Variants in TRAM2 observed in about 807,000 individuals in gnomAD.
TRAM2 encodes translocation associated membrane protein 2.
Under a neutral mutation model 51.0 loss-of-function variants are expected in TRAM2, and 12 were observed. The ratio of observed to expected loss-of-function variants is 0.24; its 90% CI spans 0.15 to 0.38. The LOEUF (loss-of-function observed/expected upper bound fraction) is 0.38, where lower values mean the gene tolerates loss of function less well. Among genes scored for constraint, TRAM2 ranks in the 10% least tolerant of loss-of-function variants. The pLI is 1.00. For missense variants in TRAM2, 361 were observed against 462.0 expected, an observed-to-expected ratio of 0.78 and a Z score of 2.00; for synonymous variants, 175 against 179.4, an observed-to-expected ratio of 0.98 and a Z score of 0.20.
At chr6:52,531,284 C>A (rs1236815511) in intron 2 of TRAM2, among the ~76,000 whole-genome samples, 2 of 152,092 alleles carry the variant, frequency 1.3e-5, no homozygotes, top group East Asian at 1.9e-4. Flanking sequence ...CAAACATTAC[C>A]ATATTGGGTT....
intron 8 of TRAM2, 47 bp downstream of exon 8, chr6:52,505,985 C>A: frequency 6.2e-7 from 1 of 1,600,266 alleles, no homozygotes; most frequent in East Asian, 2.2e-5. Context: ...TCGGGGGAAC[C>A]CCTGCCCAGG....
rs769900215 is a variant in TRAM2 at position 52,507,282 on chromosome 6, C to T, written c.626+271G>A. On this transcript the variant is annotated intron_variant, in intron 7 of 10. Coordinates refer to ENST00000182527, the MANE Select transcript of TRAM2 (RefSeq NM_012288.4). ...CCTGGCTGTCTCTGTTGAGGGTCTTCTTCTGGGTTGCAGAGCAGATGATAC... is the reference window on the plus strand; with the variant it reads ...CCTGGCTGTCTCTGTTGAGGGTCTTTTTCTGGGTTGCAGAGCAGATGATAC... Among the ~76,000 whole-genome samples, 87 of 152,232 alleles carry T rather than the reference C, an allele frequency of 5.7e-4. 1 individual carries two copies. Among genetic ancestry groups the T allele is most frequent in the Non-Finnish European group, 7.8e-4 (53 of 68,034 alleles).
At chr6:52,567,810 C>A (rs1185037843) in intron 1 of TRAM2, among the ~76,000 whole-genome samples, 1 of 152,170 alleles carries the variant, frequency 6.6e-6, no homozygotes, top group Non-Finnish European at 1.5e-5. Flanking sequence ...TCATGCCAAC[C>A]CCAAATTTGT....
At position 52,499,856 on chromosome 6, in the gene TRAM2, A is replaced by G. The variant is rs1447915038; in HGVS notation, c.*3341T>C. ...CACACATGGGATTAGAACTGACTCA[A>G]AAGGGAGGACAGCAGATCCCCCGCC... On this transcript the variant is annotated 3_prime_UTR_variant, in exon 11 of 11. Coordinates refer to ENST00000182527, the MANE Select transcript of TRAM2 (RefSeq NM_012288.4). 3 of 152,386 alleles carry G rather than the reference A, an allele frequency of 2.0e-5. No homozygotes were observed. The highest frequency in any genetic ancestry group is 7.2e-5 in the African/African-American group (3 of 41,570). 9.4% of individuals were successfully genotyped at this position (152,386 alleles called of 1,614,324 possible). A position where few individuals can be genotyped will look rare whatever the true frequency, so the allele number is the denominator to read the frequency against.
intron 3 of TRAM2, 144 bp from the exon 4 acceptor site, chr6:52,516,266 C>A: frequency 1.4e-6 from 1 of 740,456 alleles, no homozygotes. Context: ...TTGGTGTAAG[C>A]CTACTGCGTG....
intron 4 of TRAM2, among the ~76,000 whole-genome samples, chr6:52,514,080 G>A (rs932445741): frequency 2.0e-5 from 3 of 151,972 alleles, no homozygotes; most frequent in African/African-American, 7.2e-5. Flanking sequence ...TCCCCTACAG[G>A]CCCAAATCTC....
chr6:52,552,895 AT>A (rs1379557138), intron 1 of TRAM2, among the ~76,000 whole-genome samples: 1 of 152,114 alleles, frequency 6.6e-6, no homozygotes, highest in African/African-American at 2.4e-5. Context: ...ACCTTTCCTT[AT>A]AGCCCCTTGT....
intron 2 of TRAM2, among the ~76,000 whole-genome samples, chr6:52,525,974 A>C (rs1025468604): frequency 4.6e-5 from 7 of 152,138 alleles, no homozygotes; most frequent in African/African-American, 1.7e-4. Context: ...GACCATTTAC[A>C]AGCCAAGAGA....
intron 2 of TRAM2, chr6:52,524,679 ATTT>A: frequency 6.6e-6 from 1 of 152,362 alleles, no homozygotes; most frequent in African/African-American, 2.4e-5. Flanking sequence ...TCAAAAAACA[ATTT>A]TTAAGTAAGT....
Position 52,535,860 on chromosome 6 carries a change from GAA to G in TRAM2, c.121-16_121-15del. 5 of 1,612,250 alleles carry G rather than the reference GAA, an allele frequency of 3.1e-6. No individual in the cohort carries two copies. The highest frequency in any genetic ancestry group is 4.2e-6 in the Non-Finnish European group (5 of 1,178,928). ...CTTGGCTGTGACCTGTAAAACAAAG[GAA>G]AAGAGTTCCAGTTTAGCTTTTGGCC... On this transcript the variant is annotated splice_polypyrimidine_tract_variant and intron_variant, in intron 1 of 10. Transcript: ENST00000182527.
intron 1 of TRAM2, among the ~76,000 whole-genome samples, chr6:52,568,048 G>A (rs555311849): frequency 2.6e-5 from 4 of 152,304 alleles, no homozygotes; most frequent in African/African-American, 7.2e-5. Flanking sequence ...CCAGGCCGCC[G>A]GACATTTGAC....
chr6:52,504,737 A>G lies in TRAM2; in HGVS notation c.893T>C (p.Leu298Pro). The change falls in exon 10 of 11, where the codon CTG becomes CCG. Residue 298 changes from leucine to proline, a missense_variant. Coordinates refer to ENST00000182527, the MANE Select transcript of TRAM2 (RefSeq NM_012288.4). ...TLFCRLCVLLLVCAAQAWLMW... is the reference protein window; with the variant it reads ...TLFCRLCVLLPVCAAQAWLMW... Reference sequence around the variant, plus strand: ...GAGCCAGGCCTGGGCGGCACACACCAGCAGCAGCACGCAGAGCCTGCAGAG... The same window carrying G: ...GAGCCAGGCCTGGGCGGCACACACCGGCAGCAGCACGCAGAGCCTGCAGAG... 6.2e-7 allele frequency: 1 copy of G among 1,608,500 alleles called. No homozygotes were observed. Among genetic ancestry groups the G allele is most frequent in the Non-Finnish European group, 8.5e-7 (1 of 1,178,490 alleles).
chr6:52,543,453 C>T (rs1167517419), intron 1 of TRAM2, among the ~76,000 whole-genome samples: 1 of 152,198 alleles, frequency 6.6e-6, no homozygotes, highest in African/African-American at 2.4e-5. Flanking sequence ...GAGTAAAACA[C>T]ACATTGGTCA....
At chr6:52,544,949 G>C (rs1581694597) in intron 1 of TRAM2, among the ~76,000 whole-genome samples, 1 of 152,258 alleles carries the variant, frequency 6.6e-6, no homozygotes, top group African/African-American at 2.4e-5. Context: ...AACAAAGCCT[G>C]GGCAAATGTC....
Position 52,577,020 on chromosome 6 carries a change from CTCTCCCA to C in TRAM2, c.-112_-106del. 7.8e-7 allele frequency: 1 copy of C among 1,277,094 alleles called. No homozygotes were observed. The highest frequency in any genetic ancestry group is 1.6e-5 in the African/African-American group (1 of 62,982). 79.1% of individuals were successfully genotyped at this position (1,277,094 alleles called of 1,614,324 possible). On this transcript the variant is annotated 5_prime_UTR_variant, in exon 1 of 11. Coordinates refer to ENST00000182527, the MANE Select transcript of TRAM2 (RefSeq NM_012288.4). ...GGTCCGCCCGCCGGCCCGCCGCCCG[CTCTCCCA>C]CAGCCGCTCGCCCGCCCAGCGCGGA...
chr6:52,502,623 G>A lies in TRAM2; in HGVS notation c.*574C>T. On this transcript the variant is annotated 3_prime_UTR_variant, in exon 11 of 11. Coordinates refer to ENST00000182527, the MANE Select transcript of TRAM2 (RefSeq NM_012288.4). Reference sequence around the variant, plus strand: ...GCTGTGCCTCAAGATGGTACATGCAGAACTGGAATCATATATCTCGTCAGT... The same window carrying A: ...GCTGTGCCTCAAGATGGTACATGCAAAACTGGAATCATATATCTCGTCAGT... The A allele has an allele frequency of 6.5e-6, 1 of 152,940 alleles. No individual in the cohort carries two copies. The highest frequency in any genetic ancestry group is 1.9e-4 in the East Asian group (1 of 5,202). The allele number at this position is 152,940 out of a possible 1,614,324, so 9.5% of individuals were successfully genotyped here. A position where few individuals can be genotyped will look rare whatever the true frequency, so the allele number is the denominator to read the frequency against.
chr6:52,509,145 G>A (rs1318757879), intron 5 of TRAM2, among the ~76,000 whole-genome samples: 1 of 152,232 alleles, frequency 6.6e-6, no homozygotes, highest in East Asian at 1.9e-4. Context: ...AGCACTATAT[G>A]AGGCAGAGGA....
At chr6:52,542,098 C>T (rs1767094108) in intron 1 of TRAM2, among the ~76,000 whole-genome samples, 1 of 152,078 alleles carries the variant, frequency 6.6e-6, no homozygotes, top group African/African-American at 2.4e-5. Context: ...TAAAACTTCC[C>T]TTCTTCTCCC....
Position 52,509,627 on chromosome 6 carries a change from G to T in TRAM2, c.412-41C>A, listed in dbSNP as rs201206068. 96 of 1,602,894 alleles carry T rather than the reference G, an allele frequency of 6.0e-5. No homozygotes were observed. The Admixed American group carries it at 1.5e-3, about 26-fold the overall frequency. ...AGAGAGACCATTTAGAGATGTGGAC[G>T]TGAGACCTGCTGGGGCCCTGGGACC... On this transcript the variant is annotated intron_variant, in intron 4 of 10. Transcript: ENST00000182527.
Sources: gnomAD v4.1 joint callset for allele counts (sites outside exome capture counted in the v4.1 genomes callset) on GRCh38, gnomAD v4.1.1 for gene constraint, MANE v1.5 for transcripts, NCBI Gene and HGNC (gene_info 2026-07-23, HGNC 2026-07-21) for gene names.